The following PPARGC1A variants were observed in gnomAD, a reference collection of about 807,000 sequenced individuals.
PPARGC1A encodes peroxisome proliferator-activated receptor gamma coactivator 1-alpha.
In PPARGC1A, 25 loss-of-function variants were observed where a neutral mutation model predicts 88.7. The observed-to-expected ratio is 0.28, with a 90% CI of 0.21 to 0.39. PPARGC1A has a LOEUF of 0.39. PPARGC1A is among the 10% of genes least tolerant of loss of function. PPARGC1A has a pLI of 1.00. For missense variants in PPARGC1A, 880 were observed against 968.7 expected (o/e 0.91, Z 1.22); for synonymous variants, 363 against 355.6 (o/e 1.02, Z -0.24).
chr4:23,958,737 G>A, the PPARGC1A span, among the ~76,000 whole-genome samples: 15 of 152,094 alleles, frequency 9.9e-5, no homozygotes, highest in African/African-American at 3.4e-4. Context: ...TCTAGAAAGT[G>A]TTAAGCTTAT....
the PPARGC1A span, among the ~76,000 whole-genome samples, chr4:24,296,673 C>G: frequency 6.6e-6 from 1 of 152,110 alleles, no homozygotes; most frequent in East Asian, 1.9e-4. Flanking sequence ...CATCCCATTC[C>G]CATTTCAAGC....
chr4:24,321,695 C>T, the PPARGC1A span, among the ~76,000 whole-genome samples: 1 of 152,194 alleles, frequency 6.6e-6, no homozygotes, highest in East Asian at 1.9e-4. Flanking sequence ...TGCAACTTGA[C>T]TGAAATGATT....
chr4:23,839,438 G>A (rs890130707), intron 2 of PPARGC1A, among the ~76,000 whole-genome samples: 4 of 152,080 alleles, frequency 2.6e-5, no homozygotes, highest in Non-Finnish European at 5.9e-5. Context: ...TGAAAAGAGC[G>A]AGCAAGGCAT....
the PPARGC1A span, among the ~76,000 whole-genome samples, chr4:24,420,318 T>G: frequency 6.6e-6 from 1 of 152,218 alleles, no homozygotes; most frequent in Non-Finnish European, 1.5e-5. Context: ...GGGATGTGCT[T>G]TTTTTAATTT....
At chr4:24,178,861 C>T in the PPARGC1A span, among the ~76,000 whole-genome samples, 65 of 152,298 alleles carry the variant, frequency 4.3e-4, no homozygotes, top group Non-Finnish European at 8.5e-4. Context: ...CATTTTATAG[C>T]AAAGCAGTTG....
chr4:24,144,176 G>A, the PPARGC1A span, among the ~76,000 whole-genome samples: 10 of 152,266 alleles, frequency 6.6e-5, no homozygotes, highest in South Asian at 1.0e-3. Context: ...GTGTCTTCAC[G>A]GTTTAGTCCT....
the PPARGC1A span, among the ~76,000 whole-genome samples, chr4:24,127,058 A>G: frequency 6.6e-6 from 1 of 152,274 alleles, no homozygotes; most frequent in Middle Eastern, 3.4e-3. Context: ...TGACCTCCCA[A>G]AGTCCTGGGT....
At chr4:24,289,123 G>T in the PPARGC1A span, among the ~76,000 whole-genome samples, 1 of 151,038 alleles carries the variant, frequency 6.6e-6, no homozygotes, top group Non-Finnish European at 1.5e-5. Flanking sequence ...GGGAGGCTGA[G>T]GCAGAAGAAT....
At chr4:23,978,460 C>T in the PPARGC1A span, among the ~76,000 whole-genome samples, 1 of 152,192 alleles carries the variant, frequency 6.6e-6, no homozygotes, top group Non-Finnish European at 1.5e-5. Context: ...CGTCGAGCCT[C>T]TGTGGCTCTT....
At chr4:24,464,320 T>A in the PPARGC1A span, among the ~76,000 whole-genome samples, 1 of 152,250 alleles carries the variant, frequency 6.6e-6, no homozygotes, top group Non-Finnish European at 1.5e-5. Context: ...GTTGTTCTCA[T>A]CCTAAGAGAT....
the PPARGC1A span, among the ~76,000 whole-genome samples, chr4:24,133,196 G>A: frequency 6.6e-6 from 1 of 152,118 alleles, no homozygotes; most frequent in Non-Finnish European, 1.5e-5. Flanking sequence ...CTGGGGGGTG[G>A]TGGTGGGGGG....
chr4:23,805,832 T>C (rs1719704946), intron 10 of PPARGC1A, among the ~76,000 whole-genome samples: 1 of 152,054 alleles, frequency 6.6e-6, no homozygotes, highest in African/African-American at 2.4e-5. Flanking sequence ...TGCAAAGAAA[T>C]TGCTCAACTA....
chr4:24,032,648 G>T, the PPARGC1A span, among the ~76,000 whole-genome samples: 2 of 152,168 alleles, frequency 1.3e-5, no homozygotes, highest in Non-Finnish European at 2.9e-5. Context: ...TCTCCTTTGG[G>T]GCCAAGCTCT....
the PPARGC1A span, among the ~76,000 whole-genome samples, chr4:23,978,189 T>A: frequency 9.8e-5 from 15 of 152,298 alleles, no homozygotes; most frequent in African/African-American, 3.4e-4. Context: ...AAGGAAATAA[T>A]GTATTCAACA....
chr4:24,239,380 A>C, the PPARGC1A span, among the ~76,000 whole-genome samples: 13 of 152,328 alleles, frequency 8.5e-5, no homozygotes, highest in African/African-American at 3.1e-4. Flanking sequence ...AATAAAGAGA[A>C]GCTTCCCAAG....
At chr4:23,895,322 TTTTC>T (rs1444786346) in intron 1 of PPARGC1A, among the ~76,000 whole-genome samples, 3 of 151,556 alleles carry the variant, frequency 2.0e-5, no homozygotes, top group Non-Finnish European at 4.4e-5. Flanking sequence ...ATTTTTTTCT[TTTTC>T]TTTTTCTTTT....
the PPARGC1A span, among the ~76,000 whole-genome samples, chr4:24,352,585 G>C: frequency 6.6e-6 from 1 of 152,192 alleles, no homozygotes; most frequent in Non-Finnish European, 1.5e-5. Flanking sequence ...CCTGGCCAAG[G>C]TCTGAGGACT....
chr4:23,956,573 C>A, the PPARGC1A span, among the ~76,000 whole-genome samples: 1 of 152,062 alleles, frequency 6.6e-6, no homozygotes, highest in African/African-American at 2.4e-5. Context: ...CCCTCTCTAC[C>A]CCCAAGATCA....
chr4:24,416,901 T>C, the PPARGC1A span, among the ~76,000 whole-genome samples: 2 of 151,890 alleles, frequency 1.3e-5, no homozygotes, highest in Non-Finnish European at 2.9e-5. Flanking sequence ...CATGGTGGCG[T>C]CTGCCTGTAA....
Sources: allele counts gnomAD v4.1 joint callset (sites outside exome capture counted in the v4.1 genomes callset), GRCh38; gene constraint gnomAD v4.1.1; transcripts MANE v1.5; gene names NCBI Gene and HGNC (gene_info 2026-07-23, HGNC 2026-07-21).